GPATCH2: variants seen among roughly 807,000 people sequenced by gnomAD.
GPATCH2 encodes the protein G-patch domain containing 2.
A neutral mutation model predicts 58.0 loss-of-function variants in GPATCH2; 51 were observed. The ratio of observed to expected loss-of-function variants is 0.88; its 90% CI spans 0.70 to 1.11. The LOEUF is 1.11. Among genes scored for constraint, GPATCH2 ranks in the 50% most tolerant of loss-of-function variants. The pLI is 0.00. For synonymous variants in GPATCH2, 222 were observed against 218.5 expected, an observed-to-expected ratio of 1.02 and a Z score of -0.14; for missense variants, 625 against 652.2, an observed-to-expected ratio of 0.96 and a Z score of 0.45.
intron 8 of GPATCH2, among the ~76,000 whole-genome samples, chr1:217,449,859 T>A (rs2102470130): frequency 6.6e-6 from 1 of 152,332 alleles, no homozygotes; most frequent in East Asian, 1.9e-4. Context: ...AGTTAATTAT[T>A]TATTAGCTGA....
intron 5 of GPATCH2, among the ~76,000 whole-genome samples, chr1:217,515,790 C>T (rs1663110446): frequency 8.4e-6 from 1 of 119,290 alleles, no homozygotes; most frequent in Admixed American, 1.0e-4. Flanking sequence ...AGACCAGTGA[C>T]TTATTACATA....
At chr1:217,499,475 C>G (rs1662190540) in intron 6 of GPATCH2, among the ~76,000 whole-genome samples, 1 of 152,166 alleles carries the variant, frequency 6.6e-6, no homozygotes, top group Admixed American at 6.6e-5. Flanking sequence ...TTTGCATTCT[C>G]TAGCCTCTGT....
chr1:217,463,083 G>A (rs1417339502), intron 8 of GPATCH2, among the ~76,000 whole-genome samples: 1 of 152,110 alleles, frequency 6.6e-6, no homozygotes, highest in African/African-American at 2.4e-5. Context: ...GGCATAATTT[G>A]GCATTTTTGA....
At chr1:217,539,496 A>G (rs979955785) in intron 5 of GPATCH2, among the ~76,000 whole-genome samples, 1 of 152,192 alleles carries the variant, frequency 6.6e-6, no homozygotes, top group Non-Finnish European at 1.5e-5. Context: ...ACAATTTTCA[A>G]GCCCACGCTC....
At chr1:217,619,737 A>G (rs776344815) in intron 2 of GPATCH2, 46 bp downstream of exon 2, 48 of 718,468 alleles carry the variant, frequency 6.7e-5, no homozygotes, top group Non-Finnish European at 9.6e-5. Context: ...TTCAACCACA[A>G]ACACTGGAGA....
intron 1 of GPATCH2, among the ~76,000 whole-genome samples, chr1:217,624,773 C>T (rs1442229893): frequency 1.3e-5 from 2 of 152,134 alleles, no homozygotes; most frequent in African/African-American, 4.8e-5. Flanking sequence ...AGTGAATGTA[C>T]CACTTAACTA....
At chr1:217,433,358 G>A (rs937308817) in intron 9 of GPATCH2, among the ~76,000 whole-genome samples, 25 of 134,142 alleles carry the variant, frequency 1.9e-4, no homozygotes, top group Non-Finnish European at 3.4e-4. Flanking sequence ...TCTTTAAGCT[G>A]TTCATATATA....
intron 8 of GPATCH2, among the ~76,000 whole-genome samples, chr1:217,463,778 T>C: frequency 6.6e-6 from 1 of 151,874 alleles, no homozygotes; most frequent in East Asian, 1.9e-4. Context: ...ATAAATAGAT[T>C]TGGGTTCCCT....
intron 6 of GPATCH2, among the ~76,000 whole-genome samples, chr1:217,506,424 A>G (rs560562490): frequency 1.3e-5 from 2 of 152,324 alleles, no homozygotes; most frequent in South Asian, 4.1e-4. Flanking sequence ...AATATACTAT[A>G]ACAGGGTTTC....
rs1421573501 is a variant in GPATCH2, at chr1:217,611,047, A to T, written c.860T>A (p.Phe287Tyr). ...RQGDDEQSDWFYEKESGGACG... is the reference protein window; with the variant it reads ...RQGDDEQSDWYYEKESGGACG... Reference sequence around the variant, plus strand: ...TGCTCCACCTGATTCCTTTTCGTAGAACCAGTCACTCTGTTCATCATCACC... The same window carrying T: ...TGCTCCACCTGATTCCTTTTCGTAGTACCAGTCACTCTGTTCATCATCACC... The change falls in exon 4 of 10, where the codon TTC becomes TAC. Residue 287 changes from phenylalanine to tyrosine, a missense_variant. Phe to Tyr is a conservative substitution (Grantham distance 22). Coordinates refer to ENST00000366935, the MANE Select transcript of GPATCH2 (RefSeq NM_018040.5). The T allele has an allele frequency of 6.2e-7, 1 of 1,613,446 alleles. No homozygotes were observed.
intron 5 of GPATCH2, among the ~76,000 whole-genome samples, chr1:217,580,006 CAAGAA>C (rs1351482454): frequency 2.0e-5 from 3 of 152,000 alleles, no homozygotes; most frequent in African/African-American, 7.2e-5. Flanking sequence ...GCATTTACTC[CAAGAA>C]AAGTACAAAA....
At chr1:217,498,567 C>G (rs1662126359) in intron 6 of GPATCH2, 172 bp from the exon 7 acceptor site, 2 of 632,692 alleles carry the variant, frequency 3.2e-6, no homozygotes, top group East Asian at 2.7e-5. Flanking sequence ...TTTGACAGAA[C>G]TGTAAAAGTG....
intron 2 of GPATCH2, among the ~76,000 whole-genome samples, chr1:217,616,956 T>C (rs1384425300): frequency 6.6e-6 from 1 of 152,164 alleles, no homozygotes; most frequent in Admixed American, 6.5e-5. Context: ...CTCAAATACT[T>C]AGTTCTCTCT....
chr1:217,460,507 G>A (rs188627557), intron 8 of GPATCH2, among the ~76,000 whole-genome samples: 1 of 152,310 alleles, frequency 6.6e-6, no homozygotes, highest in East Asian at 1.9e-4. Flanking sequence ...CAGCATATAA[G>A]GGCATTCTAG....
intron 8 of GPATCH2, among the ~76,000 whole-genome samples, chr1:217,455,027 T>C (rs1659878448): frequency 6.6e-6 from 1 of 152,176 alleles, no homozygotes; most frequent in African/African-American, 2.4e-5. Context: ...GTATCGTGGA[T>C]CACAGCCTGA....
intron 5 of GPATCH2, among the ~76,000 whole-genome samples, chr1:217,543,820 T>C (rs1664880493): frequency 1.3e-5 from 2 of 152,082 alleles, no homozygotes; most frequent in Admixed American, 6.5e-5. Flanking sequence ...CACAGTTTCA[T>C]GGGACAAGAA....
intron 8 of GPATCH2, among the ~76,000 whole-genome samples, chr1:217,488,492 T>G (rs183784408): frequency 6.6e-6 from 1 of 152,254 alleles, no homozygotes; most frequent in Admixed American, 6.5e-5. Flanking sequence ...TAAATCACTT[T>G]GGTATGAGAG....
intron 5 of GPATCH2, among the ~76,000 whole-genome samples, chr1:217,583,519 C>G (rs1471936747): frequency 7.4e-6 from 1 of 134,800 alleles, no homozygotes. Flanking sequence ...TGCAGTGAGC[C>G]AAGATTGAGC....
At chr1:217,579,720 G>A (rs1366896538) in intron 5 of GPATCH2, among the ~76,000 whole-genome samples, 1 of 151,968 alleles carries the variant, frequency 6.6e-6, no homozygotes. Flanking sequence ...ATAAATACTA[G>A]ACAAATGGAT....
Sources: gnomAD v4.1 joint callset for allele counts (sites outside exome capture counted in the v4.1 genomes callset) on GRCh38, gnomAD v4.1.1 for gene constraint, MANE v1.5 for transcripts, NCBI Gene and HGNC (gene_info 2026-07-23, HGNC 2026-07-21) for gene names.